The following KCNJ5 variants were observed in gnomAD, a reference collection of about 807,000 sequenced individuals.
The protein encoded by KCNJ5 is potassium inwardly rectifying channel subfamily J member 5.
KCNJ5 carries 12 observed loss-of-function variants against 20.2 expected under a neutral mutation model. The observed-to-expected ratio is 0.59, with a 90% confidence interval of 0.38 to 0.96. The LOEUF (loss-of-function observed/expected upper bound fraction) is 0.96. KCNJ5 is among the 40% of genes least tolerant of loss of function. The probability of loss-of-function intolerance (pLI) is 0.00; values close to 1 mark genes in which losing one functional copy is unlikely to be tolerated. For synonymous variants in KCNJ5, 210 were observed against 213.9 expected (o/e 0.98, Z 0.16); for missense variants, 449 against 557.6 (o/e 0.81, Z 1.96).
At chr11:128,893,932 C>G (rs1169339015) in intron 1 of KCNJ5, among the ~76,000 whole-genome samples, 2 of 152,238 alleles carry the variant, frequency 1.3e-5, no homozygotes, top group African/African-American at 4.8e-5. Flanking sequence ...TGGTGCCAAG[C>G]AAAATCCCTT....
intron 2 of KCNJ5, among the ~76,000 whole-genome samples, chr11:128,913,818 C>T (rs77800636): frequency 0.021 from 3,268 of 152,336 alleles, 111 homozygotes; most frequent in African/African-American, 0.074. Context: ...TCTCTCACCA[C>T]TCTGCCCCAC....
chr11:128,899,566 G>C (rs1390143398), intron 1 of KCNJ5: 1 of 152,058 alleles, frequency 6.6e-6, no homozygotes, highest in African/African-American at 2.4e-5. Context: ...GGAAACAAGT[G>C]GTTTTTCATT....
In KCNJ5 at chr11:128,902,433, G is replaced by C. The variant is rs1036528208; in HGVS notation, c.-10-8831G>C. The C allele has an allele frequency of 2.7e-5, 35 of 1,282,998 alleles. No homozygotes were observed. The African/African-American group carries it at 4.5e-4, about 17-fold the overall frequency. 79.5% of individuals were successfully genotyped at this position (1,282,998 alleles called of 1,614,324 possible). ...CTGTTCTCTGCAGCAGGTTTGCACA[G>C]GGTGCCAGTTAGGGAGGAGAAGGCA... On this transcript the variant is annotated intron_variant, in intron 1 of 2. Coordinates refer to ENST00000529694, the MANE Select transcript of KCNJ5 (RefSeq NM_000890.5).
At chr11:128,913,316 C>A (rs1213551755) in intron 2 of KCNJ5, among the ~76,000 whole-genome samples, 1 of 152,208 alleles carries the variant, frequency 6.6e-6, no homozygotes, top group Non-Finnish European at 1.5e-5. Context: ...CATCAACATC[C>A]ATGTATGCCC....
intron 1 of KCNJ5, among the ~76,000 whole-genome samples, chr11:128,898,947 T>C (rs1944219764): frequency 6.6e-6 from 1 of 152,284 alleles, no homozygotes; most frequent in Non-Finnish European, 1.5e-5. Flanking sequence ...CCCACAGTTC[T>C]GGGATTACAG....
chr11:128,908,760 C>T (rs1453376940), intron 1 of KCNJ5, among the ~76,000 whole-genome samples: 1 of 152,204 alleles, frequency 6.6e-6, no homozygotes, highest in Non-Finnish European at 1.5e-5. Context: ...TGGCACTGTG[C>T]CTGCCCTGCC....
chr11:128,903,471 TGAG>T, intron 1 of KCNJ5: 1 of 1,614,006 alleles, frequency 6.2e-7, no homozygotes, highest in South Asian at 1.1e-5. Flanking sequence ...AATTCCAGAG[TGAG>T]GAGGTGTTAC....
chr11:128,909,121 G>T (rs1432031198), intron 1 of KCNJ5, among the ~76,000 whole-genome samples: 4 of 152,210 alleles, frequency 2.6e-5, no homozygotes, highest in Admixed American at 2.6e-4. Flanking sequence ...TGTTTTAAAG[G>T]TTATCTTGAA....
At chr11:128,903,056 T>C (rs1190251099) in intron 1 of KCNJ5, among the ~76,000 whole-genome samples, 2 of 152,146 alleles carry the variant, frequency 1.3e-5, no homozygotes, top group African/African-American at 4.8e-5. Flanking sequence ...AATAATGAAC[T>C]AGAGCCGAGT....
Position 128,919,490 on chromosome 11 carries a change from A to G in KCNJ5, c.*2759A>G, listed in dbSNP as rs1265452231. 6.6e-6 allele frequency: 1 copy of G among 152,240 alleles called. No homozygotes were observed. Among genetic ancestry groups the G allele is most frequent in the African/African-American group, 2.4e-5 (1 of 41,452 alleles). The allele number at this position is 152,240 out of a possible 1,614,324, so 9.4% of individuals were successfully genotyped here. A position where few individuals can be genotyped will look rare whatever the true frequency, so the allele number is the denominator to read the frequency against. On this transcript the variant is annotated 3_prime_UTR_variant, in exon 3 of 3. Transcript: ENST00000529694. ...CCTCTGCCTTCTATCATGCCAGTTT[A>G]AAAGCAAGAAGACTCCCCCTTCACA... is the stretch of plus-strand genomic sequence containing the variant.
At chr11:128,897,889 T>C (rs779979431) in intron 1 of KCNJ5, among the ~76,000 whole-genome samples, 5 of 152,264 alleles carry the variant, frequency 3.3e-5, no homozygotes, top group Non-Finnish European at 7.3e-5. Context: ...TCCGGCACCA[T>C]TTGTTGTAAA....
At chr11:128,904,824 T>C (rs187797104) in intron 1 of KCNJ5, among the ~76,000 whole-genome samples, 2 of 152,302 alleles carry the variant, frequency 1.3e-5, no homozygotes, top group East Asian at 3.9e-4. Flanking sequence ...TACTCCATCA[T>C]GTGCTATGAA....
intron 1 of KCNJ5, among the ~76,000 whole-genome samples, chr11:128,892,955 C>A (rs919857053): frequency 6.6e-6 from 1 of 152,234 alleles, no homozygotes; most frequent in African/African-American, 2.4e-5. Flanking sequence ...CTCCAAAACT[C>A]TTGTCCTCTG....
At chr11:128,908,609 T>A (rs1346749699) in intron 1 of KCNJ5, among the ~76,000 whole-genome samples, 1 of 152,222 alleles carries the variant, frequency 6.6e-6, no homozygotes, top group African/African-American at 2.4e-5. Flanking sequence ...GCACAAAGCC[T>A]TCGCCTACAA....
At chr11:128,902,171 G>A in intron 1 of KCNJ5, 1 of 217,780 alleles carries the variant, frequency 4.6e-6, no homozygotes, top group Admixed American at 5.2e-5. Flanking sequence ...ATCAGCACCT[G>A]GGGCCTCATT....
At position 128,891,441 on chromosome 11, in the gene KCNJ5, C is replaced by CACACACAG. The variant is rs1160699929; in HGVS notation, c.-290_-289insCACACAGA. The CACACACAG allele has an allele frequency of 9.1e-5, 5 of 54,936 alleles. No homozygotes were observed. The highest frequency in any genetic ancestry group is 1.0e-3 in the South Asian group (1 of 990). 3.4% of individuals were successfully genotyped at this position (54,936 alleles called of 1,614,324 possible). A position where few individuals can be genotyped will look rare whatever the true frequency, so the allele number is the denominator to read the frequency against. On this transcript the variant is annotated 5_prime_UTR_variant, in exon 1 of 3. Transcript: ENST00000529694. ...ACACACACACACACACACACACACA[C>CACACACAG]AGAGAGAGAGAGAGAGAGAGAGAGA... is the stretch of plus-strand genomic sequence containing the variant.
chr11:128,906,859 G>T (rs1394251555), intron 1 of KCNJ5, among the ~76,000 whole-genome samples: 2 of 152,152 alleles, frequency 1.3e-5, no homozygotes, highest in Non-Finnish European at 2.9e-5. Context: ...GATTTCCTGG[G>T]GTTCCTCAGG....
In KCNJ5 at chr11:128,902,614, C is replaced by G. The variant is rs752040362; in HGVS notation, c.-10-8650C>G. 6.8e-6 allele frequency: 11 copies of G among 1,613,764 alleles called. No homozygotes were observed. The East Asian group carries it at 2.5e-4, about 36-fold the overall frequency. On this transcript the variant is annotated intron_variant, in intron 1 of 2. Transcript: ENST00000529694. ...CACTGAGGGGGTAGCCCAGGCGGCC[C>G]TCTCTACTATCATGGGCCTTGCAGA... is the stretch of plus-strand genomic sequence containing the variant.
chr11:128,894,264 G>T (rs1462802427), intron 1 of KCNJ5, among the ~76,000 whole-genome samples: 2 of 151,738 alleles, frequency 1.3e-5, no homozygotes, highest in Non-Finnish European at 2.9e-5. Context: ...TGAAAACCTT[G>T]GAATGTGATC....
Sources: gnomAD v4.1 joint callset for allele counts (sites outside exome capture counted in the v4.1 genomes callset) on GRCh38, gnomAD v4.1.1 for gene constraint, MANE v1.5 for transcripts, NCBI Gene and HGNC (gene_info 2026-07-23, HGNC 2026-07-21) for gene names.